GPR4: variants seen among roughly 807,000 people sequenced by gnomAD.
The protein encoded by GPR4 is G protein-coupled receptor 4, also known as G-prodeshotein coupled receptor 4.
Under a neutral mutation model 17.8 loss-of-function variants are expected in GPR4, and 11 were observed. The ratio of observed to expected loss-of-function variants is 0.62; its 90% CI spans 0.39 to 1.02. The LOEUF (loss-of-function observed/expected upper bound fraction) is 1.02. Ranked by LOEUF, GPR4 falls within the 50% of genes least tolerant of loss-of-function variation. The probability of loss-of-function intolerance (pLI) is 0.00; values close to 1 mark genes in which losing one functional copy is unlikely to be tolerated. For missense variants in GPR4, 364 were observed against 495.4 expected, an observed-to-expected ratio of 0.73 and a Z score of 2.52; for synonymous variants, 219 against 222.8, an observed-to-expected ratio of 0.98 and a Z score of 0.15.
At chr19:45,592,957 C>T (rs911851215) in intron 1 of GPR4, among the ~76,000 whole-genome samples, 47 of 151,914 alleles carry the variant, frequency 3.1e-4, no homozygotes, top group African/African-American at 1.1e-3. Flanking sequence ...TTTGGGAGGC[C>T]GAGGTGGGAG....
intron 1 of GPR4, among the ~76,000 whole-genome samples, chr19:45,600,313 CG>C (rs913029237): frequency 2.0e-5 from 3 of 152,118 alleles, no homozygotes; most frequent in African/African-American, 7.2e-5. Flanking sequence ...GCCCTGTCCC[CG>C]AGGGAACGGT....
intron 1 of GPR4, among the ~76,000 whole-genome samples, chr19:45,599,214 C>G (rs951735798): frequency 5.3e-5 from 8 of 152,208 alleles, no homozygotes; most frequent in Middle Eastern, 6.8e-3. Flanking sequence ...CCTGGCCCCC[C>G]CAACTTTAGC....
chr19:45,595,749 C>A (rs980787128), intron 1 of GPR4, among the ~76,000 whole-genome samples: 1 of 147,638 alleles, frequency 6.8e-6, no homozygotes, highest in Non-Finnish European at 1.5e-5. Flanking sequence ...TTTTTTTTTT[C>A]CCCCAACAAG....
At position 45,599,765 on chromosome 19, in the gene GPR4, G is replaced by A. The variant is rs532010902; in HGVS notation, c.-832+2330C>T. The A allele has an allele frequency of 3.3e-5, 5 of 152,276 alleles. No homozygotes were observed. In the South Asian group the frequency reaches 8.3e-4, roughly 25 times the overall value. 9.4% of individuals were successfully genotyped at this position (152,276 alleles called of 1,614,324 possible). A position where few individuals can be genotyped will look rare whatever the true frequency, so the allele number is the denominator to read the frequency against. On this transcript the variant is annotated intron_variant, in intron 1 of 1. Transcript: ENST00000323040. ...GAATGTTCTATTATAACATTCTAGAGCGTTACTCTTCTTTCATTCTATTTA... is the reference window on the plus strand; with the variant it reads ...GAATGTTCTATTATAACATTCTAGAACGTTACTCTTCTTTCATTCTATTTA...
At chr19:45,594,699 C>G (rs557211438) in intron 1 of GPR4, among the ~76,000 whole-genome samples, 1 of 152,262 alleles carries the variant, frequency 6.6e-6, no homozygotes, top group East Asian at 1.9e-4. Context: ...AATAACTGGA[C>G]AGGCCAGGCA....
chr19:45,590,964 C>G lies in GPR4; in HGVS notation c.903G>C (p.Leu301=). ...TGGCCAGAAAGCGGAGCAGGTTGTG[C>G]AGGGCCTTGGCCACATCGCTGCGGG... ...EGARSDVAKA[L]HNLLRFLASD... Residue 301 remains leucine (L), a synonymous_variant, in exon 2 of 2, where the codon CTG becomes CTC. Coordinates refer to ENST00000323040, the MANE Select transcript of GPR4 (RefSeq NM_005282.3). The G allele has an allele frequency of 6.2e-7, 1 of 1,613,992 alleles. No homozygotes were observed. The highest frequency in any genetic ancestry group is 2.2e-5 in the East Asian group (1 of 44,878).
At chr19:45,594,094 A>ATATATATTTTATATATATATATAT (rs1970032285) in intron 1 of GPR4, among the ~76,000 whole-genome samples, 1 of 112,964 alleles carries the variant, frequency 8.9e-6, no homozygotes, top group African/African-American at 4.3e-5. Context: ...ATATATATAT[A>ATATATATTTTATATATATATATAT]AAATAGATGC....
rs1969969890 is a variant in GPR4 at position 45,589,807 on chromosome 19, T to C, written c.*971A>G. 1 of 152,318 alleles carries C rather than the reference T, an allele frequency of 6.6e-6. No individual in the cohort carries two copies. Among genetic ancestry groups the C allele is most frequent in the African/African-American group, 2.4e-5 (1 of 41,452 alleles). The allele number at this position is 152,318 out of a possible 1,614,324, so 9.4% of individuals were successfully genotyped here. On this transcript the variant is annotated 3_prime_UTR_variant, in exon 2 of 2. Coordinates refer to ENST00000323040, the MANE Select transcript of GPR4 (RefSeq NM_005282.3). ...TACATATTTTTTATTTACTTGTGTA[T>C]GGTGAGCCCTGTGAAGGCAAGGCCA...
chr19:45,596,271 T>C lies in GPR4; in HGVS notation c.-831-3574A>G, dbSNP rs560401051. Among the ~76,000 whole-genome samples the C allele has an allele frequency of 4.6e-5, 7 of 150,608 alleles. No homozygotes were observed. The East Asian group carries it at 1.4e-3, about 30-fold the overall frequency. On this transcript the variant is annotated intron_variant, in intron 1 of 1. Coordinates refer to ENST00000323040, the MANE Select transcript of GPR4 (RefSeq NM_005282.3). ...CCTAGGCTGGAGTGCAATGTCCCAATCTTGGCTCACCACAACCTCTACCTC... is the reference window on the plus strand; with the variant it reads ...CCTAGGCTGGAGTGCAATGTCCCAACCTTGGCTCACCACAACCTCTACCTC...
Position 45,590,884 on chromosome 19 carries a change from G to A in GPR4, c.983C>T (p.Thr328Ile). The A allele has an allele frequency of 2.5e-6, 4 of 1,614,146 alleles. No homozygotes were observed. The highest frequency in any genetic ancestry group is 3.4e-6 in the Non-Finnish European group (4 of 1,180,036). The part of the protein sequence containing the change: ...NASLTLETPL[T>I]SKRNSTAKAM... ...TTTGGCTGTGCTGTTCCTCTTGGAG[G>A]TGAGTGGGGTCTCCAGGGTGAGCGA... Residue 328 changes from threonine to isoleucine, a missense_variant, in exon 2 of 2, where the codon ACC becomes ATC. Coordinates refer to ENST00000323040, the MANE Select transcript of GPR4 (RefSeq NM_005282.3).
rs376828367 is a variant in GPR4, at chr19:45,590,952, G to A, written c.915C>T (p.Leu305=). 9.9e-6 allele frequency: 16 copies of A among 1,613,912 alleles called. No individual in the cohort carries two copies. The highest frequency in any genetic ancestry group is 1.3e-5 in the Non-Finnish European group (15 of 1,180,034). Residue 305 remains leucine (L), a synonymous_variant, in exon 2 of 2, where the codon CTC becomes CTT. Transcript: ENST00000323040. ...SDVAKALHNL[L]RFLASDKPQE... ...GGGGCTTGTCGCTGGCCAGAAAGCG[G>A]AGCAGGTTGTGCAGGGCCTTGGCCA...
At chr19:45,596,203 CT>C (rs56044839) in intron 1 of GPR4, among the ~76,000 whole-genome samples, 41,522 of 132,418 alleles carry the variant, frequency 0.31, 5,913 homozygotes, top group South Asian at 0.39. Flanking sequence ...TTCTTTTCTT[CT>C]TTTTTTTTTT....
chr19:45,591,897 C>T lies in GPR4; in HGVS notation c.-31G>A. The T allele has an allele frequency of 6.5e-7, 1 of 1,531,558 alleles. No individual in the cohort carries two copies. The highest frequency in any genetic ancestry group is 1.3e-5 in the South Asian group (1 of 78,624). The allele number at this position is 1,531,558 out of a possible 1,614,324, so 94.9% of individuals were successfully genotyped here. A position where few individuals can be genotyped will look rare whatever the true frequency, so the allele number is the denominator to read the frequency against. On this transcript the variant is annotated 5_prime_UTR_variant, in exon 2 of 2. Coordinates refer to ENST00000323040, the MANE Select transcript of GPR4 (RefSeq NM_005282.3). This position sits in a 1 kb window ranked among gnomAD's most constrained non-coding sequence, Gnocchi z 7.6. ...GCACTTCGGCTTCTGGGGCGCTTCC[C>T]CTGGCCCACGGGGGCTGTGGGGCCA...
At chr19:45,601,923 A>G (rs1397539128) in intron 1 of GPR4, among the ~76,000 whole-genome samples, 172 bp downstream of exon 1, 1 of 152,022 alleles carries the variant, frequency 6.6e-6, no homozygotes, top group Non-Finnish European at 1.5e-5. Flanking sequence ...ATCAGGCGGG[A>G]GTTGGAGACA....
Position 45,591,669 on chromosome 19 carries a change from G to A in GPR4, c.198C>T (p.Tyr66=), listed in dbSNP as rs763104576. Residue 66 remains tyrosine, a synonymous_variant, in exon 2 of 2, where the codon TAC becomes TAT. Transcript: ENST00000323040. The surrounding 1 kb of genome is among the most constrained non-coding windows in gnomAD (Gnocchi z 7.6). The part of the protein sequence containing the change: ...LMNLSIADLL[Y]ICTLPLWVDY... Reference sequence around the variant, plus strand: ...CCACCCACAGCGGCAGCGTGCAGATGTACAGCAGGTCGGCGATGCTGAGGT... The same window carrying A: ...CCACCCACAGCGGCAGCGTGCAGATATACAGCAGGTCGGCGATGCTGAGGT... The A allele has an allele frequency of 2.5e-6, 4 of 1,614,058 alleles. No homozygotes were observed. The highest frequency in any genetic ancestry group is 1.7e-5 in the Admixed American group (1 of 60,022).
At chr19:45,596,942 T>C (rs1970064094) in intron 1 of GPR4, among the ~76,000 whole-genome samples, 1 of 152,354 alleles carries the variant, frequency 6.6e-6, no homozygotes, top group South Asian at 2.1e-4. Flanking sequence ...AGGTTCTGTC[T>C]GACCTGCTGG....
intron 1 of GPR4, among the ~76,000 whole-genome samples, chr19:45,595,630 A>G (rs1169660562): frequency 6.6e-6 from 1 of 152,188 alleles, no homozygotes; most frequent in African/African-American, 2.4e-5. Flanking sequence ...CCTGACTATC[A>G]TCAACCCCGC....
At chr19:45,601,773 A>T (rs962660064) in intron 1 of GPR4, among the ~76,000 whole-genome samples, 2 of 152,030 alleles carry the variant, frequency 1.3e-5, no homozygotes, top group Non-Finnish European at 2.9e-5. Flanking sequence ...GCAGGGGCAG[A>T]GGGAGGTGGG....
At chr19:45,593,780 G>T (rs1336580736) in intron 1 of GPR4, among the ~76,000 whole-genome samples, 1 of 151,926 alleles carries the variant, frequency 6.6e-6, no homozygotes, top group Non-Finnish European at 1.5e-5. Flanking sequence ...CCTTACCCAA[G>T]AATCCCATTC....
Sources: allele counts gnomAD v4.1 joint callset (sites outside exome capture counted in the v4.1 genomes callset), GRCh38; gene constraint gnomAD v4.1.1; non-coding constraint Gnocchi (gnomAD v3.1); transcripts MANE v1.5; gene names NCBI Gene and HGNC (gene_info 2026-07-23, HGNC 2026-07-21).